The following TTC17 variants were observed in gnomAD, a reference collection of about 807,000 sequenced individuals.
TTC17 encodes tetratricopeptide repeat domain 17.
In TTC17, 58 loss-of-function variants were observed where a neutral mutation model predicts 143.8. That is an observed-to-expected ratio of 0.40 (90% confidence interval 0.33 to 0.50). The LOEUF (loss-of-function observed/expected upper bound fraction) is 0.50, where lower values mean the gene tolerates loss of function less well. Among genes scored for constraint, TTC17 ranks in the 20% least tolerant of loss-of-function variants. The pLI is 0.49. For synonymous variants in TTC17, 501 were observed against 497.8 expected (o/e 1.01, Z -0.09); for missense variants, 1,273 against 1,392.5 (o/e 0.91, Z 1.37).
intron 1 of TTC17, among the ~76,000 whole-genome samples, chr11:43,367,534 C>T (rs925324135): frequency 2.6e-5 from 4 of 152,144 alleles, no homozygotes; most frequent in Non-Finnish European, 5.9e-5. Context: ...TTAGAAGTCA[C>T]TCTGGTGAAA....
chr11:43,442,118 A>G (rs888125612), intron 16 of TTC17, among the ~76,000 whole-genome samples: 10 of 152,222 alleles, frequency 6.6e-5, no homozygotes, highest in Admixed American at 2.6e-4. Flanking sequence ...ATGTACTGCA[A>G]TACCGTAGGC....
intron 2 of TTC17, 151 bp from the exon 3 acceptor site, chr11:43,389,501 G>A: frequency 1.6e-6 from 1 of 633,634 alleles, no homozygotes. Context: ...GCTTGTGTAT[G>A]TTGACTAAGT....
chr11:43,458,964 GTTC>G (rs1947814432), intron 21 of TTC17, among the ~76,000 whole-genome samples: 1 of 125,554 alleles, frequency 8.0e-6, no homozygotes, highest in Non-Finnish European at 1.9e-5. Flanking sequence ...TTTGTATAAG[GTTC>G]GAATAGTTTG....
At chr11:43,394,059 A>G (rs932081370) in intron 5 of TTC17, among the ~76,000 whole-genome samples, 4 of 152,178 alleles carry the variant, frequency 2.6e-5, no homozygotes, top group African/African-American at 7.2e-5. Flanking sequence ...TTGGGCCCCA[A>G]TCCTTATGAC....
chr11:43,380,527 T>TTA (rs1318432165), intron 2 of TTC17, among the ~76,000 whole-genome samples: 3 of 151,922 alleles, frequency 2.0e-5, no homozygotes, highest in African/African-American at 7.3e-5. Flanking sequence ...AGTGCTGGGA[T>TTA]TACAGGCATG....
Position 43,408,811 on chromosome 11 carries a change from G to A in TTC17, c.2064+1234G>A, listed in dbSNP as rs573743591. 6.9e-4 allele frequency among the ~76,000 whole-genome samples: 105 copies of A among 151,944 alleles called. 1 individual carries two copies. The highest frequency in any genetic ancestry group is 2.3e-3 in the African/African-American group (96 of 41,428). ...GGCTGGAGTGCAGTGGCGTGGTCAC[G>A]GCTCACTGCAGCCTCCACCTCCTAG... On this transcript the variant is annotated intron_variant, in intron 15 of 23. Coordinates refer to ENST00000039989, the MANE Select transcript of TTC17 (RefSeq NM_018259.6).
intron 11 of TTC17, among the ~76,000 whole-genome samples, 183 bp from the exon 12 acceptor site, chr11:43,405,331 A>T (rs1417269580): frequency 6.6e-6 from 1 of 152,274 alleles, no homozygotes; most frequent in East Asian, 1.9e-4. Context: ...GTCTGTGGTA[A>T]AGCAGGTAGA....
At chr11:43,456,803 A>T (rs1221586888) in intron 21 of TTC17, among the ~76,000 whole-genome samples, 3 of 152,216 alleles carry the variant, frequency 2.0e-5, no homozygotes, top group African/African-American at 7.2e-5. Context: ...TGGAATTAAC[A>T]GATTGGAAAT....
chr11:43,471,112 A>C (rs983733804), intron 21 of TTC17, among the ~76,000 whole-genome samples: 2 of 152,190 alleles, frequency 1.3e-5, no homozygotes, highest in African/African-American at 4.8e-5. Flanking sequence ...CACCTGCACT[A>C]TCAGAACATT....
At chr11:43,423,765 A>G (rs757187975) in intron 16 of TTC17, among the ~76,000 whole-genome samples, 26 of 152,230 alleles carry the variant, frequency 1.7e-4, no homozygotes, top group Non-Finnish European at 3.7e-4. Flanking sequence ...TTAAGTAATG[A>G]TACTGCTAGC....
At chr11:43,374,810 T>C (rs897285749) in intron 1 of TTC17, among the ~76,000 whole-genome samples, 1 of 150,510 alleles carries the variant, frequency 6.6e-6, no homozygotes, top group Non-Finnish European at 1.5e-5. Context: ...TTATACACAG[T>C]TGATGGAAAT....
At chr11:43,473,882 C>CAAAAAAAA (rs781437584) in intron 21 of TTC17, among the ~76,000 whole-genome samples, 3 of 60,668 alleles carry the variant, frequency 4.9e-5, no homozygotes, top group African/African-American at 6.1e-5. Flanking sequence ...GACTCTGTCT[C>CAAAAAAAA]AAAAAAAAAA....
At chr11:43,482,036 C>T (rs368309775) in intron 21 of TTC17, among the ~76,000 whole-genome samples, 2 of 152,052 alleles carry the variant, frequency 1.3e-5, no homozygotes, top group South Asian at 4.1e-4. Context: ...TCTCAAACTC[C>T]TGAGCTCCAG....
chr11:43,446,778 A>C, intron 18 of TTC17: 1 of 649,200 alleles, frequency 1.5e-6, no homozygotes, highest in Non-Finnish European at 1.9e-6. Flanking sequence ...CTTCCCAGAC[A>C]AGACAGTTCT....
intron 16 of TTC17, among the ~76,000 whole-genome samples, chr11:43,433,185 G>A (rs1426356599): frequency 2.0e-5 from 3 of 152,144 alleles, no homozygotes; most frequent in African/African-American, 7.2e-5. Context: ...ATTTTTAGTA[G>A]AGACAGGGTT....
chr11:43,376,892 C>T (rs939912554), intron 1 of TTC17, among the ~76,000 whole-genome samples: 1 of 152,124 alleles, frequency 6.6e-6, no homozygotes, highest in African/African-American at 2.4e-5. Flanking sequence ...GACTGTACAG[C>T]CTACTACACA....
chr11:43,426,023 A>G (rs1181793633), intron 16 of TTC17, among the ~76,000 whole-genome samples: 2 of 152,240 alleles, frequency 1.3e-5, no homozygotes, highest in African/African-American at 4.8e-5. Flanking sequence ...AATAATAAGC[A>G]CAATTTGCCT....
At chr11:43,408,459 T>C (rs550246148) in intron 15 of TTC17, among the ~76,000 whole-genome samples, 16 of 152,314 alleles carry the variant, frequency 1.1e-4, no homozygotes, top group African/African-American at 3.1e-4. Context: ...TATCTAGTGC[T>C]TACTGTGTAC....
chr11:43,437,573 T>C (rs1947320839), intron 16 of TTC17, among the ~76,000 whole-genome samples: 4 of 152,206 alleles, frequency 2.6e-5, no homozygotes, highest in Admixed American at 2.6e-4. Context: ...GAGCCTTTCT[T>C]ACCTCATTTA....
Sources: gnomAD v4.1 joint callset for allele counts (sites outside exome capture counted in the v4.1 genomes callset) on GRCh38, gnomAD v4.1.1 for gene constraint, MANE v1.5 for transcripts, NCBI Gene and HGNC (gene_info 2026-07-23, HGNC 2026-07-21) for gene names.